The following KAT14 variants were observed in gnomAD, a reference collection of about 807,000 sequenced individuals.
KAT14 encodes cysteine-rich protein 2-binding protein.
A neutral mutation model predicts 78.4 loss-of-function variants in KAT14; 66 were observed. That is an observed-to-expected ratio of 0.84 (90% CI 0.69 to 1.03). KAT14 has a LOEUF of 1.03. Ranked by LOEUF, KAT14 falls within the 50% of genes least tolerant of loss-of-function variation. The pLI is 0.00. For missense variants in KAT14, 870 were observed against 972.5 expected (o/e 0.89, Z 1.40); for synonymous variants, 344 against 359.4 (o/e 0.96, Z 0.48).
intron 1 of KAT14, among the ~76,000 whole-genome samples, chr20:18,141,608 G>C (rs1445857074): frequency 6.6e-6 from 1 of 152,232 alleles, no homozygotes; most frequent in African/African-American, 2.4e-5. Context: ...ACATTGGCCG[G>C]GTGCAGTGGC....
rs1219703485 is a variant in KAT14, at chr20:18,187,343, C to G, written c.2230C>G (p.Leu744Val). ...CTCAGCAAGCAACCCCGCTATGCTACTGTACCAGAAGTTTGGATTCAAGAC... is the reference window on the plus strand; with the variant it reads ...CTCAGCAAGCAACCCCGCTATGCTAGTGTACCAGAAGTTTGGATTCAAGAC... ...HVSASNPAML[L>V]YQKFGFKTEE... is the part of the protein sequence containing the mutation. The change falls in exon 11 of 11, where the codon CTG becomes GTG. Residue 744 changes from leucine (L) to valine (V), a missense_variant. Physicochemically the swap from Leu to Val is conservative, Grantham distance 32. Coordinates refer to ENST00000688188, the MANE Select transcript of KAT14 (RefSeq NM_001392073.1). 1 of 1,614,126 alleles carries G rather than the reference C, an allele frequency of 6.2e-7. No homozygotes were observed. Among genetic ancestry groups the G allele is most frequent in the Non-Finnish European group, 8.5e-7 (1 of 1,180,002 alleles).
chr20:18,139,379 G>A (rs1310521471), intron 1 of KAT14, among the ~76,000 whole-genome samples: 2 of 152,194 alleles, frequency 1.3e-5, no homozygotes, highest in South Asian at 2.1e-4. Flanking sequence ...ATGTTTGAAG[G>A]GTTTGGGTAG....
intron 3 of KAT14, among the ~76,000 whole-genome samples, chr20:18,145,735 C>T (rs1048664654): frequency 6.6e-6 from 1 of 151,442 alleles, no homozygotes; most frequent in Admixed American, 6.6e-5. Context: ...GAGCCCACAC[C>T]GTGCCACTGT....
chr20:18,174,376 T>C (rs1289782211), intron 7 of KAT14, among the ~76,000 whole-genome samples: 1 of 152,154 alleles, frequency 6.6e-6, no homozygotes, highest in Non-Finnish European at 1.5e-5. Context: ...GTTTAACTTT[T>C]TGAAGGATTG....
intron 4 of KAT14, among the ~76,000 whole-genome samples, chr20:18,157,451 G>T (rs2038264775): frequency 6.6e-6 from 1 of 152,112 alleles, no homozygotes; most frequent in Admixed American, 6.6e-5. Context: ...TTTGTTTATT[G>T]CAGTAAAAAC....
At chr20:18,144,113 CTG>C (rs1489819175) in intron 2 of KAT14, among the ~76,000 whole-genome samples, 1 of 152,218 alleles carries the variant, frequency 6.6e-6, no homozygotes, top group Non-Finnish European at 1.5e-5. Context: ...ACATATATAA[CTG>C]TGAAGAGGGT....
intron 7 of KAT14, among the ~76,000 whole-genome samples, chr20:18,181,422 G>A (rs957052682): frequency 7.2e-6 from 1 of 138,748 alleles, no homozygotes; most frequent in African/African-American, 2.7e-5. Flanking sequence ...AGGCTGGAGT[G>A]CAGTGGTGCA....
intron 4 of KAT14, among the ~76,000 whole-genome samples, chr20:18,155,743 T>C (rs568432526): frequency 6.6e-6 from 1 of 152,226 alleles, no homozygotes; most frequent in South Asian, 2.1e-4. Flanking sequence ...AAACAACAAC[T>C]GTGGGCGAGA....
At chr20:18,163,326 TAGAC>T (rs3215586) in intron 7 of KAT14, among the ~76,000 whole-genome samples, 13,375 of 152,158 alleles carry the variant, frequency 0.088, 722 homozygotes, top group East Asian at 0.26. Context: ...TGAAGGTGTG[TAGAC>T]ATCTGCGAAG....
At chr20:18,143,948 A>G (rs1004801278) in intron 2 of KAT14, among the ~76,000 whole-genome samples, 2 of 152,206 alleles carry the variant, frequency 1.3e-5, no homozygotes, top group East Asian at 1.9e-4. Flanking sequence ...GAGATTTTCA[A>G]TGGCCAGCTT....
In KAT14 at chr20:18,142,599, G is replaced by A; in HGVS notation, c.-62G>A. Reference sequence around the variant, plus strand: ...TGATCCTGGTAGAAGCCCCATTAGGGTCACTGTCCAGTGCTTAGGGTTGTT... The same window carrying A: ...TGATCCTGGTAGAAGCCCCATTAGGATCACTGTCCAGTGCTTAGGGTTGTT... On this transcript the variant is annotated 5_prime_UTR_variant, in exon 2 of 11. Coordinates refer to ENST00000688188, the MANE Select transcript of KAT14 (RefSeq NM_001392073.1). 2 of 1,598,962 alleles carry A rather than the reference G, an allele frequency of 1.3e-6. No homozygotes were observed. The highest frequency in any genetic ancestry group is 2.3e-5 in the South Asian group (2 of 88,784).
rs1163719356 is a variant in KAT14 at position 18,150,896 on chromosome 20, A to T, written c.454A>T (p.Ile152Phe). The change falls in exon 4 of 11, where the codon ATC becomes TTC. Residue 152 changes from isoleucine to phenylalanine, a missense_variant. Transcript: ENST00000688188. ...RQGYFRWKED[I>F]CAFIEKHWTF... ...AGGTTATTTCAGGTGGAAAGAAGAT[A>T]TCTGTGCTTTTATTGAGAAACATTG... The T allele has an allele frequency of 3.1e-6, 5 of 1,614,098 alleles. No individual in the cohort carries two copies. The highest frequency in any genetic ancestry group is 2.5e-6 in the Non-Finnish European group (3 of 1,180,046).
In KAT14 at chr20:18,184,583, G is replaced by T; in HGVS notation, c.1982-19G>T. 1 of 1,591,290 alleles carries T rather than the reference G, an allele frequency of 6.3e-7. No individual in the cohort carries two copies. On this transcript the variant is annotated intron_variant, in intron 9 of 10. Transcript: ENST00000688188. ...TCAAAGGCATGTGGTTTGAGTCTCC[G>T]ATGGTTTCTTTTCTTTAGGCATTGA... is the stretch of plus-strand genomic sequence containing the variant.
In KAT14 at chr20:18,183,291, T is replaced by C; in HGVS notation, c.1974T>C (p.Phe658=). 1 of 1,613,632 alleles carries C rather than the reference T, an allele frequency of 6.2e-7. No individual in the cohort carries two copies. Among genetic ancestry groups the C allele is most frequent in the Non-Finnish European group, 8.5e-7 (1 of 1,179,698 alleles). The change falls in exon 9 of 11, where the codon TTT becomes TTC. Residue 658 remains phenylalanine (F), a synonymous_variant. Transcript: ENST00000688188. ...TCAACTCCATGTGTCAGGAGTTTTTTTGGCCTGGTATGTTCCCCCTCCCAA... is the reference window on the plus strand; with the variant it reads ...TCAACTCCATGTGTCAGGAGTTTTTCTGGCCTGGTATGTTCCCCCTCCCAA... The part of the protein sequence containing the change: ...PTINSMCQEF[F]WPGIDLSECL...
At position 18,152,587 on chromosome 20, in the gene KAT14, ACAAC is replaced by A. The variant is rs544044908; in HGVS notation, c.500+1653_500+1656del. Among the ~76,000 whole-genome samples the A allele has an allele frequency of 2.2e-3, 333 of 152,284 alleles. 2 individuals carry two copies. The highest frequency in any genetic ancestry group is 3.4e-3 in the Non-Finnish European group (228 of 68,008). ...GCGAGACTCCATCTCAAACAAACAA[ACAAC>A]CAACCAAAAAAAGAACCAAAACAGA... On this transcript the variant is annotated intron_variant, in intron 4 of 10. Transcript: ENST00000688188.
intron 2 of KAT14, 128 bp downstream of exon 2, chr20:18,143,047 A>G (rs1172540153): frequency 1.0e-5 from 15 of 1,440,888 alleles, no homozygotes; most frequent in Admixed American, 2.7e-5. Context: ...TCTCTAGTTG[A>G]TCAGCTATAA....
In KAT14 at chr20:18,187,553, A is replaced by C. The variant is rs1369380914; in HGVS notation, c.*94A>C. 3 of 1,558,182 alleles carry C rather than the reference A, an allele frequency of 1.9e-6. No homozygotes were observed. The highest frequency in any genetic ancestry group is 2.0e-5 in the Admixed American group (1 of 50,514). On this transcript the variant is annotated 3_prime_UTR_variant, in exon 11 of 11. Transcript: ENST00000688188. ...GTGATTGATTTCACAGGGAGCTCTAATCTCTGTGATTACATGGTCCTTCAA... is the reference window on the plus strand; with the variant it reads ...GTGATTGATTTCACAGGGAGCTCTACTCTCTGTGATTACATGGTCCTTCAA...
At chr20:18,173,008 T>G (rs2038903016) in intron 7 of KAT14, among the ~76,000 whole-genome samples, 1 of 152,140 alleles carries the variant, frequency 6.6e-6, no homozygotes, top group Admixed American at 6.6e-5. Context: ...GGGTGTGAAG[T>G]TAGGTATTTC....
chr20:18,183,390 TTTTA>T, intron 9 of KAT14, 92 bp downstream of exon 9: 1 of 1,421,172 alleles, frequency 7.0e-7, no homozygotes, highest in Non-Finnish European at 9.2e-7. Context: ...TCCTTAAGAT[TTTTA>T]TTTATGATTT....
Sources: allele counts gnomAD v4.1 joint callset (sites outside exome capture counted in the v4.1 genomes callset), GRCh38; gene constraint gnomAD v4.1.1; transcripts MANE v1.5; gene names NCBI Gene and HGNC (gene_info 2026-07-23, HGNC 2026-07-21).